LCA5: variants seen among roughly 807,000 people sequenced by gnomAD.
The protein encoded by LCA5 is lebercilin LCA5.
LCA5 carries 37 observed loss-of-function variants against 53.0 expected under a neutral mutation model. The ratio of observed to expected loss-of-function variants is 0.70; its 90% CI spans 0.54 to 0.92. The LOEUF (loss-of-function observed/expected upper bound fraction) is 0.92. Ranked by LOEUF, LCA5 falls within the 40% of genes least tolerant of loss-of-function variation. The probability of loss-of-function intolerance (pLI) is 0.00; values close to 1 mark genes in which losing one functional copy is unlikely to be tolerated. For synonymous variants in LCA5, 303 were observed against 282.9 expected (o/e 1.07, Z -0.71); for missense variants, 806 against 790.5 (o/e 1.02, Z -0.23).
At chr6:79,509,428 TG>T (rs1028664489) in intron 3 of LCA5, among the ~76,000 whole-genome samples, 1 of 137,764 alleles carries the variant, frequency 7.3e-6, no homozygotes, top group Non-Finnish European at 1.5e-5. Context: ...CACTCCAGCC[TG>T]GGCGACAGAG....
intron 2 of LCA5, among the ~76,000 whole-genome samples, chr6:79,517,159 T>C (rs1766463441): frequency 6.6e-6 from 1 of 152,180 alleles, no homozygotes; most frequent in Admixed American, 6.5e-5. Context: ...TCTTGTTACT[T>C]GGTCTAAGGC....
At chr6:79,519,130 C>T (rs1766545018) in intron 1 of LCA5, 45 bp from the exon 2 acceptor site, 12 of 552,536 alleles carry the variant, frequency 2.2e-5, no homozygotes, top group South Asian at 2.1e-4. Context: ...ACAGTCTCTA[C>T]AGTTTCTACA....
intron 3 of LCA5, among the ~76,000 whole-genome samples, chr6:79,495,276 T>A (rs984558298): frequency 2.0e-5 from 3 of 152,166 alleles, no homozygotes; most frequent in Admixed American, 6.5e-5. Flanking sequence ...ATGGAAAAAC[T>A]GTCTTCCACG....
chr6:79,530,616 C>G (rs77073708), intron 1 of LCA5, among the ~76,000 whole-genome samples: 30 of 152,114 alleles, frequency 2.0e-4, no homozygotes, highest in Non-Finnish European at 3.1e-4. Context: ...CTAACCTATG[C>G]GTAATACTTA....
At chr6:79,512,687 C>T (rs1178904939) in intron 3 of LCA5, among the ~76,000 whole-genome samples, 1 of 152,104 alleles carries the variant, frequency 6.6e-6, no homozygotes, top group Non-Finnish European at 1.5e-5. Context: ...CTCTTTTCCT[C>T]TCTCCATTCA....
intron 7 of LCA5, 98 bp from the exon 8 acceptor site, chr6:79,487,964 G>A: frequency 1.1e-6 from 1 of 931,248 alleles, no homozygotes; most frequent in Non-Finnish European, 1.6e-6. Flanking sequence ...ATTTAATTTG[G>A]GTATTATAAA....
intron 3 of LCA5, among the ~76,000 whole-genome samples, chr6:79,504,179 G>A (rs1459615275): frequency 6.6e-6 from 1 of 152,118 alleles, no homozygotes; most frequent in Non-Finnish European, 1.5e-5. Flanking sequence ...AGCCAAAAAT[G>A]ATTTTAAAAT....
chr6:79,520,665 T>C (rs111519812), intron 1 of LCA5, among the ~76,000 whole-genome samples: 64 of 152,310 alleles, frequency 4.2e-4, no homozygotes, highest in African/African-American at 1.5e-3. Flanking sequence ...CTATTGTAAG[T>C]AGAAAACTAA....
intron 3 of LCA5, among the ~76,000 whole-genome samples, chr6:79,511,209 T>C (rs1400937646): frequency 6.6e-6 from 1 of 152,150 alleles, no homozygotes; most frequent in African/African-American, 2.4e-5. Flanking sequence ...AGCAGTTTTA[T>C]TAGTCAAGAG....
rs1270787500 is a variant in LCA5 at position 79,488,710 on chromosome 6, C to A, written c.1231+374G>T. 7.1e-5 allele frequency: 25 copies of A among 352,032 alleles called. No homozygotes were observed. In the East Asian group the frequency reaches 1.2e-3, roughly 17 times the overall value. 21.8% of individuals were successfully genotyped at this position (352,032 alleles called of 1,614,324 possible). A position where few individuals can be genotyped will look rare whatever the true frequency, so the allele number is the denominator to read the frequency against. ...ACTCACAAATAGTTCTTTAGCTATT[C>A]TTGCCACTTTAACTTTGAAACTACT... On this transcript the variant is annotated intron_variant, in intron 7 of 7. Coordinates refer to ENST00000369846, the MANE Select transcript of LCA5 (RefSeq NM_001122769.3).
At chr6:79,509,555 C>G (rs1254074658) in intron 3 of LCA5, among the ~76,000 whole-genome samples, 2 of 151,866 alleles carry the variant, frequency 1.3e-5, no homozygotes, top group African/African-American at 4.8e-5. Context: ...ATGTACCAAC[C>G]CAACTTTGAG....
intron 3 of LCA5, among the ~76,000 whole-genome samples, chr6:79,510,440 AT>A (rs918522665): frequency 6.6e-6 from 1 of 152,178 alleles, no homozygotes; most frequent in African/African-American, 2.4e-5. Context: ...AAAATAATCA[AT>A]TTTTATTTGT....
rs76977022 is a variant in LCA5, at chr6:79,518,630, T to A, written c.190+75A>T. On this transcript the variant is annotated intron_variant, in intron 2 of 7. Transcript: ENST00000369846. Reference sequence around the variant, plus strand: ...CAACATATATACTAATAAAAGAGTATCATGCACACACATTTTCCTTAAGCA... The same window carrying A: ...CAACATATATACTAATAAAAGAGTAACATGCACACACATTTTCCTTAAGCA... 4,951 of 1,304,442 alleles carry A rather than the reference T, an allele frequency of 3.8e-3. 136 individuals are homozygous for A. In the African/African-American group the frequency reaches 0.062, roughly 16 times the overall value. The allele number at this position is 1,304,442 out of a possible 1,614,324, so 80.8% of individuals were successfully genotyped here.
chr6:79,503,997 A>G (rs924170912), intron 3 of LCA5, among the ~76,000 whole-genome samples: 2 of 152,228 alleles, frequency 1.3e-5, no homozygotes, highest in African/African-American at 4.8e-5. Context: ...CTTTCATAAA[A>G]ATGCAAATGC....
At position 79,486,321 on chromosome 6, in the gene LCA5, A is replaced by G. The variant is rs186149767; in HGVS notation, c.*683T>C. 5 of 152,398 alleles carry G rather than the reference A, an allele frequency of 3.3e-5. No homozygotes were observed. Among genetic ancestry groups the G allele is most frequent in the Admixed American group, 3.3e-4 (5 of 15,308 alleles). 9.4% of individuals were successfully genotyped at this position (152,398 alleles called of 1,614,324 possible). A position where few individuals can be genotyped will look rare whatever the true frequency, so the allele number is the denominator to read the frequency against. On this transcript the variant is annotated 3_prime_UTR_variant, in exon 8 of 8. Coordinates refer to ENST00000369846, the MANE Select transcript of LCA5 (RefSeq NM_001122769.3). ...CTGCGGGCTATGACAGAGAGCAACT[A>G]ACTGTCCTTGCAAACAGAGAAATGT...
intron 3 of LCA5, 86 bp downstream of exon 3, chr6:79,513,125 CT>C (rs760576893): frequency 8.5e-6 from 11 of 1,295,392 alleles, no homozygotes. Flanking sequence ...AAATACCAAA[CT>C]GCAATAAGCA....
rs1231341185 is a variant in LCA5 at position 79,537,425 on chromosome 6, T to C, written c.-452A>G. 6.6e-6 allele frequency: 1 copy of C among 152,546 alleles called. No individual in the cohort carries two copies. The highest frequency in any genetic ancestry group is 1.5e-5 in the Non-Finnish European group (1 of 68,342). The allele number at this position is 152,546 out of a possible 1,614,324, so 9.4% of individuals were successfully genotyped here. A position where few individuals can be genotyped will look rare whatever the true frequency, so the allele number is the denominator to read the frequency against. On this transcript the variant is annotated 5_prime_UTR_variant, in exon 1 of 8. Coordinates refer to ENST00000369846, the MANE Select transcript of LCA5 (RefSeq NM_001122769.3). The stretch of plus-strand genomic sequence containing the variant: ...CTCCAGGGTAACGGAGGCGGAGGCC[T>C]AGACTGCACTACGAAGAGACCGCAG...
intron 2 of LCA5, among the ~76,000 whole-genome samples, chr6:79,514,524 G>A (rs749286098): frequency 3.3e-5 from 5 of 151,960 alleles, no homozygotes; most frequent in Non-Finnish European, 5.9e-5. Flanking sequence ...TATACCCAAA[G>A]GAAAAGAAAT....
At chr6:79,511,422 T>C (rs1397294723) in intron 3 of LCA5, among the ~76,000 whole-genome samples, 4 of 152,080 alleles carry the variant, frequency 2.6e-5, no homozygotes, top group Admixed American at 2.6e-4. Flanking sequence ...ATGACAAAAT[T>C]AGAGAAATAA....
Sources: allele counts gnomAD v4.1 joint callset (sites outside exome capture counted in the v4.1 genomes callset), GRCh38; gene constraint gnomAD v4.1.1; transcripts MANE v1.5; gene names NCBI Gene and HGNC (gene_info 2026-07-23, HGNC 2026-07-21).